Variants in RTL4 observed in about 807,000 individuals in gnomAD.
RTL4 encodes retrotransposon Gag like 4, also known as retrotransposon Gag-like protein 4.
A neutral mutation model predicts 5.3 loss-of-function variants in RTL4; 4 were observed. The ratio of observed to expected loss-of-function variants is 0.75; its 90% CI spans 0.37 to 1.72. The LOEUF (loss-of-function observed/expected upper bound fraction) is 1.72, where lower values mean the gene tolerates loss of function less well. RTL4 is among the 40% of genes most tolerant of loss of function. The pLI, the probability that RTL4 is intolerant of heterozygous loss-of-function variation, is 0.04. For missense variants in RTL4, 260 were observed against 227.1 expected, an observed-to-expected ratio of 1.14 and a Z score of -0.93; for synonymous variants, 98 against 87.3, an observed-to-expected ratio of 1.12 and a Z score of -0.68.
At chrX:112,393,417 C>A in the RTL4 span, among the ~76,000 whole-genome samples, 1 of 110,593 alleles carries the variant, frequency 9.0e-6, no homozygotes, top group Non-Finnish European at 1.9e-5. Context: ...GCTAAGTCAC[C>A]GAAATCGCAA....
chrX:112,199,229 C>T, the RTL4 span, among the ~76,000 whole-genome samples: 1 of 102,476 alleles, frequency 9.8e-6, no homozygotes. Flanking sequence ...GTGGAGCTTG[C>T]AGTGAGCCAA....
chrX:112,164,486 G>C, the RTL4 span, among the ~76,000 whole-genome samples: 3 of 112,019 alleles, frequency 2.7e-5, no homozygotes, highest in Non-Finnish European at 5.6e-5. Context: ...AAGACCATGC[G>C]GAGATGGAAT....
At chrX:112,257,647 A>G in the RTL4 span, among the ~76,000 whole-genome samples, 2 of 109,612 alleles carry the variant, frequency 1.8e-5, no homozygotes, top group African/African-American at 6.6e-5. Flanking sequence ...TCAACTCTTT[A>G]TAATGGTACT....
chrX:112,429,277 T>C, the RTL4 span, among the ~76,000 whole-genome samples: 2 of 111,456 alleles, frequency 1.8e-5, no homozygotes, highest in Admixed American at 9.6e-5. Context: ...AAACATCTTA[T>C]GAGATTCCCT....
the RTL4 span, among the ~76,000 whole-genome samples, chrX:112,184,740 C>T: frequency 8.9e-6 from 1 of 111,953 alleles, no homozygotes; most frequent in Non-Finnish European, 1.9e-5. Flanking sequence ...TTTATTGCAA[C>T]ACAAGAATTC....
chrX:112,285,827 A>G, the RTL4 span, among the ~76,000 whole-genome samples: 2 of 111,147 alleles, frequency 1.8e-5, no homozygotes, highest in East Asian at 2.8e-4. Context: ...GATGTCCCCA[A>G]TTCACGTCCA....
At chrX:112,174,484 A>T in the RTL4 span, among the ~76,000 whole-genome samples, 95 of 105,400 alleles carry the variant, frequency 9.0e-4, no homozygotes, top group Middle Eastern at 4.7e-3. Flanking sequence ...TCTATCATTG[A>T]TGGACATTTG....
At chrX:112,223,260 A>G in the RTL4 span, among the ~76,000 whole-genome samples, 1 of 112,156 alleles carries the variant, frequency 8.9e-6, no homozygotes. Context: ...GACTGAAACA[A>G]CTGGGCTTGT....
the RTL4 span, among the ~76,000 whole-genome samples, chrX:112,153,549 T>G: frequency 2.7e-5 from 3 of 112,112 alleles, no homozygotes; most frequent in South Asian, 1.1e-3. Flanking sequence ...GCAAGAATTT[T>G]GACTATGCAT....
the RTL4 span, among the ~76,000 whole-genome samples, chrX:112,083,932 T>C: frequency 9.0e-6 from 1 of 111,020 alleles, no homozygotes; most frequent in South Asian, 3.9e-4. Flanking sequence ...GCTTTGTCTT[T>C]TATCTCCCTT....
the RTL4 span, among the ~76,000 whole-genome samples, chrX:112,246,426 C>G: frequency 8.9e-6 from 1 of 111,820 alleles, no homozygotes; most frequent in African/African-American, 3.3e-5. Context: ...TCAGCAATGG[C>G]GGACACCCCT....
chrX:112,240,811 G>C, the RTL4 span, among the ~76,000 whole-genome samples: 8 of 110,555 alleles, frequency 7.2e-5, no homozygotes, highest in African/African-American at 2.6e-4. Flanking sequence ...TTCTCCTAAT[G>C]CTATCCCTCC....
At chrX:112,333,220 G>C in the RTL4 span, among the ~76,000 whole-genome samples, 1 of 110,842 alleles carries the variant, frequency 9.0e-6, no homozygotes, top group African/African-American at 3.3e-5. Context: ...TGGTTACCAG[G>C]GTGAGGAGTG....
chrX:112,311,334 C>A, the RTL4 span, among the ~76,000 whole-genome samples: 2 of 110,747 alleles, frequency 1.8e-5, no homozygotes, highest in Admixed American at 2.0e-4. Flanking sequence ...CTTTCCCCAT[C>A]TGATTCCCTC....
At chrX:112,128,659 CA>C in the RTL4 span, among the ~76,000 whole-genome samples, 138 of 41,104 alleles carry the variant, frequency 3.4e-3, no homozygotes, top group East Asian at 8.8e-3. Flanking sequence ...CTCTGTCTCA[CA>C]AAAAAAAAAA....
At chrX:112,132,213 C>T in the RTL4 span, among the ~76,000 whole-genome samples, 1 of 111,839 alleles carries the variant, frequency 8.9e-6, no homozygotes, top group Admixed American at 9.5e-5. Flanking sequence ...TCATCCCTAG[C>T]TTTTATTTTC....
chrX:112,335,464 T>G, the RTL4 span, among the ~76,000 whole-genome samples: 1 of 112,017 alleles, frequency 8.9e-6, no homozygotes, highest in African/African-American at 3.2e-5. Flanking sequence ...CTTCCTGTTT[T>G]CTTAAAGTTT....
At chrX:112,412,603 G>A in the RTL4 span, among the ~76,000 whole-genome samples, 3 of 111,423 alleles carry the variant, frequency 2.7e-5, no homozygotes, top group South Asian at 3.8e-4. Flanking sequence ...ATACATTAAG[G>A]AAAGGTCAGT....
At chrX:112,328,274 G>C in the RTL4 span, among the ~76,000 whole-genome samples, 4 of 110,764 alleles carry the variant, frequency 3.6e-5, no homozygotes. Flanking sequence ...CTCATGTGCA[G>C]AGACACACAT....
Sources: allele counts gnomAD v4.1 joint callset (sites outside exome capture counted in the v4.1 genomes callset), GRCh38; gene constraint gnomAD v4.1.1; transcripts MANE v1.5; gene names NCBI Gene and HGNC (gene_info 2026-07-23, HGNC 2026-07-21).